Variants in IPO11 observed in about 807,000 individuals in gnomAD.
The protein encoded by IPO11 is importin-11.
In IPO11, 66 loss-of-function variants were observed where a neutral mutation model predicts 143.2. The observed-to-expected ratio is 0.46, with a 90% confidence interval of 0.38 to 0.57. The LOEUF (loss-of-function observed/expected upper bound fraction) is 0.57. Among genes scored for constraint, IPO11 ranks in the 20% least tolerant of loss-of-function variants. The pLI, the probability that IPO11 is intolerant of heterozygous loss-of-function variation, is 0.00. For synonymous variants in IPO11, 385 were observed against 377.8 expected (o/e 1.02, Z -0.22); for missense variants, 1,026 against 1,141.0 (o/e 0.90, Z 1.45).
chr5:62,512,962 GAA>G (rs1304689668), intron 19 of IPO11, among the ~76,000 whole-genome samples: 8 of 147,486 alleles, frequency 5.4e-5, no homozygotes, highest in Admixed American at 1.3e-4. Flanking sequence ...AGAACAAAAT[GAA>G]AAGTCTCCCA....
At chr5:62,424,752 T>C (rs1272500350) in intron 1 of IPO11, among the ~76,000 whole-genome samples, 2 of 152,102 alleles carry the variant, frequency 1.3e-5, no homozygotes, top group Non-Finnish European at 2.9e-5. Context: ...TGAATATTTG[T>C]TCTTATCTTA....
intron 24 of IPO11, among the ~76,000 whole-genome samples, chr5:62,543,649 T>C (rs1355796922): frequency 6.6e-6 from 1 of 152,220 alleles, no homozygotes; most frequent in African/African-American, 2.4e-5. Context: ...CCTGGATTTA[T>C]TGATTTTTTG....
chr5:62,594,484 C>T (rs747916719), intron 28 of IPO11, among the ~76,000 whole-genome samples: 1 of 152,184 alleles, frequency 6.6e-6, no homozygotes, highest in Non-Finnish European at 1.5e-5. Flanking sequence ...CTTCCTCATC[C>T]AGTCAGTTTT....
chr5:62,551,392 A>G lies in IPO11; in HGVS notation c.2460+56A>G, dbSNP rs896133059. ...GTCTTTATCTAAATATAAATTAGAA[A>G]TAGTTTGATGAAATAATGAGTCTTT... On this transcript the variant is annotated intron_variant, in intron 26 of 29. Coordinates refer to ENST00000325324, the MANE Select transcript of IPO11 (RefSeq NM_016338.5). 8 of 951,210 alleles carry G rather than the reference A, an allele frequency of 8.4e-6. No homozygotes were observed. The East Asian group carries it at 1.0e-4, about 12-fold the overall frequency. The allele number at this position is 951,210 out of a possible 1,614,324, so 58.9% of individuals were successfully genotyped here.
At chr5:62,432,864 GTGT>G (rs1246165316) in intron 1 of IPO11, among the ~76,000 whole-genome samples, 8 of 152,158 alleles carry the variant, frequency 5.3e-5, no homozygotes, top group South Asian at 2.1e-4. Context: ...AGGTCAAGTT[GTGT>G]TGTTGTTGTT....
intron 29 of IPO11, among the ~76,000 whole-genome samples, chr5:62,610,754 A>G (rs1745896651): frequency 6.6e-6 from 1 of 152,222 alleles, no homozygotes; most frequent in African/African-American, 2.4e-5. Context: ...AGCATCTTCA[A>G]AATGAATCTT....
chr5:62,480,734 T>C (rs898345375), intron 9 of IPO11, among the ~76,000 whole-genome samples: 19 of 151,888 alleles, frequency 1.3e-4, no homozygotes, highest in African/African-American at 4.4e-4. Flanking sequence ...ATTTGGCTGT[T>C]TGTCTATTAC....
intron 1 of IPO11, among the ~76,000 whole-genome samples, chr5:62,435,140 A>G (rs1744150927): frequency 3.7e-5 from 2 of 54,538 alleles, no homozygotes; most frequent in South Asian, 4.4e-4. Context: ...ATATATGTAT[A>G]TATGTATATA....
At chr5:62,626,873 C>T (rs1344517140) in intron 29 of IPO11, among the ~76,000 whole-genome samples, 1 of 152,158 alleles carries the variant, frequency 6.6e-6, no homozygotes, top group Non-Finnish European at 1.5e-5. Flanking sequence ...ATGCTTTCTA[C>T]TAGGCTTTGA....
intron 5 of IPO11, among the ~76,000 whole-genome samples, chr5:62,454,642 T>G (rs1334069310): frequency 6.6e-6 from 1 of 152,212 alleles, no homozygotes; most frequent in Non-Finnish European, 1.5e-5. Flanking sequence ...CTTCTCCATA[T>G]AGAAAGAAGT....
At chr5:62,593,661 G>T (rs911603310) in intron 28 of IPO11, among the ~76,000 whole-genome samples, 5 of 152,186 alleles carry the variant, frequency 3.3e-5, no homozygotes, top group African/African-American at 2.4e-5. Flanking sequence ...CCAGCTAAAA[G>T]GCCTAGACTT....
intron 26 of IPO11, among the ~76,000 whole-genome samples, chr5:62,551,615 C>T (rs950818470): frequency 6.6e-6 from 1 of 152,126 alleles, no homozygotes; most frequent in African/African-American, 2.4e-5. Flanking sequence ...TTTTTCTTCA[C>T]TGATACAGAA....
Position 62,470,231 on chromosome 5 carries a change from G to C in IPO11, c.650-19G>C, listed in dbSNP as rs2112198383. Reference sequence around the variant, plus strand: ...TAGGATAAAATAAGATTCAAGTAAAGCTTGCTTTTGCTTTTCAGTGCTGCG... The same window carrying C: ...TAGGATAAAATAAGATTCAAGTAAACCTTGCTTTTGCTTTTCAGTGCTGCG... On this transcript the variant is annotated intron_variant, in intron 6 of 29. Coordinates refer to ENST00000325324, the MANE Select transcript of IPO11 (RefSeq NM_016338.5). 6.2e-7 allele frequency: 1 copy of C among 1,609,750 alleles called. No individual in the cohort carries two copies. Among genetic ancestry groups the C allele is most frequent in the African/African-American group, 1.3e-5 (1 of 74,904 alleles).
Position 62,515,451 on chromosome 5 carries a change from C to T in IPO11, c.1846C>T (p.His616Tyr), listed in dbSNP as rs1273488053. Residue 616 changes from histidine (H) to tyrosine (Y), a missense_variant, in exon 20 of 30, where the codon CAC becomes TAC. Transcript: ENST00000325324. ...CCTCCTTTGGAAGCAGAGTGAAGAA[C>T]ACAATATGTTGAGATGTGCTATTTT... ...LPLLWKQSEE[H>Y]NMLRCAILTT... 3 of 1,610,962 alleles carry T rather than the reference C, an allele frequency of 1.9e-6. No individual in the cohort carries two copies. Among genetic ancestry groups the T allele is most frequent in the Non-Finnish European group, 1.7e-6 (2 of 1,178,796 alleles).
intron 29 of IPO11, among the ~76,000 whole-genome samples, chr5:62,614,741 G>A (rs542465742): frequency 6.6e-6 from 1 of 152,194 alleles, no homozygotes; most frequent in East Asian, 1.9e-4. Flanking sequence ...TCCACTTTTA[G>A]CTTTGCTGTC....
At chr5:62,626,317 C>T (rs555979142) in intron 29 of IPO11, among the ~76,000 whole-genome samples, 15 of 152,282 alleles carry the variant, frequency 9.9e-5, no homozygotes, top group African/African-American at 2.9e-4. Flanking sequence ...CATGAGCCAC[C>T]GAGCCTGGCC....
At chr5:62,471,698 A>C (rs1745777650) in intron 7 of IPO11, among the ~76,000 whole-genome samples, 1 of 152,174 alleles carries the variant, frequency 6.6e-6, no homozygotes, top group Non-Finnish European at 1.5e-5. Flanking sequence ...GTTACATGTT[A>C]TTTTTAAAAT....
At chr5:62,435,903 C>T (rs1207264378) in intron 1 of IPO11, among the ~76,000 whole-genome samples, 1 of 152,056 alleles carries the variant, frequency 6.6e-6, no homozygotes, top group Admixed American at 6.6e-5. Context: ...GTGGTGTGCG[C>T]CTGTAATCCC....
At chr5:62,469,282 G>A (rs1036219064) in intron 6 of IPO11, among the ~76,000 whole-genome samples, 5 of 152,084 alleles carry the variant, frequency 3.3e-5, no homozygotes, top group African/African-American at 9.7e-5. Flanking sequence ...TTACTGCATC[G>A]TTATGATGCA....
Sources: allele counts gnomAD v4.1 joint callset (sites outside exome capture counted in the v4.1 genomes callset), GRCh38; gene constraint gnomAD v4.1.1; transcripts MANE v1.5; gene names NCBI Gene and HGNC (gene_info 2026-07-23, HGNC 2026-07-21).